EYS: variants seen among roughly 807,000 people sequenced by gnomAD.
EYS encodes the protein EGF-like photoreceptor maintenance factor, also known as protein eyes shut homolog.
In EYS, 250 loss-of-function variants were observed where a neutral mutation model predicts 282.1. The observed-to-expected ratio is 0.89, with a 90% CI of 0.80 to 0.98. The LOEUF (loss-of-function observed/expected upper bound fraction) is 0.98, where lower values mean the gene tolerates loss of function less well. EYS is among the 50% of genes least tolerant of loss of function. The pLI, the probability that EYS is intolerant of heterozygous loss-of-function variation, is 0.00. For missense variants in EYS, 4,016 were observed against 3,709.0 expected, an observed-to-expected ratio of 1.08 and a Z score of -2.15; for synonymous variants, 1,355 against 1,282.9, an observed-to-expected ratio of 1.06 and a Z score of -1.20.
In EYS at chr6:64,439,297, A is replaced by G; in HGVS notation, c.5700T>C (p.Ala1900=). 1.3e-6 allele frequency: 2 copies of G among 1,522,892 alleles called. No individual in the cohort carries two copies. The highest frequency in any genetic ancestry group is 1.8e-6 in the Non-Finnish European group (2 of 1,135,816). The allele number at this position is 1,522,892 out of a possible 1,614,324, so 94.3% of individuals were successfully genotyped here. The part of the protein sequence containing the change: ...GDSYLEFQNV[A]LNPQNNISLE... ...GGGAGATGTTATTTTGTGGATTTAA[A>G]GCCACATTCTGAAATTCTAGATAAG... Residue 1900 remains alanine, a synonymous_variant, in exon 27 of 43, where the codon GCT becomes GCC. Transcript: ENST00000503581.
chr6:64,910,620 T>G (rs925864122), intron 16 of EYS, among the ~76,000 whole-genome samples: 1 of 151,994 alleles, frequency 6.6e-6, no homozygotes, highest in Non-Finnish European at 1.5e-5. Context: ...CGTACAATAA[T>G]AAAATACTAA....
In EYS at chr6:64,704,144, A is replaced by C. The variant is rs1583060434; in HGVS notation, c.3444-77899T>G. 2.6e-5 allele frequency among the ~76,000 whole-genome samples: 4 copies of C among 151,998 alleles called. No individual in the cohort carries two copies. In the South Asian group the frequency reaches 8.3e-4, roughly 32 times the overall value. On this transcript the variant is annotated intron_variant, in intron 22 of 42. Coordinates refer to ENST00000503581, the MANE Select transcript of EYS (RefSeq NM_001142800.2). ...ATTCTGGACTCGCATGAAATTCTAA[A>C]CAAGAATTTGGACAATTGAGTTAAA...
chr6:64,461,724 G>A (rs867483410), intron 26 of EYS, among the ~76,000 whole-genome samples: 6 of 152,210 alleles, frequency 3.9e-5, no homozygotes, highest in Non-Finnish European at 7.4e-5. Flanking sequence ...TTACTCAGAA[G>A]ACCTAGTTTG....
At chr6:64,421,521 T>G (rs1774232877) in intron 28 of EYS, among the ~76,000 whole-genome samples, 1 of 152,188 alleles carries the variant, frequency 6.6e-6, no homozygotes, top group African/African-American at 2.4e-5. Context: ...TAATTTTGTC[T>G]TTCATATCTA....
intron 32 of EYS, among the ~76,000 whole-genome samples, chr6:64,081,370 C>T (rs1771960012): frequency 6.6e-6 from 1 of 151,970 alleles, no homozygotes; most frequent in African/African-American, 2.4e-5. Flanking sequence ...GATGTAAAGA[C>T]ATTTCCTTAA....
chr6:64,404,055 G>C (rs1247804050), intron 28 of EYS, among the ~76,000 whole-genome samples: 1 of 152,078 alleles, frequency 6.6e-6, no homozygotes, highest in African/African-American at 2.4e-5. Context: ...CAAGAGTGAT[G>C]GCTATTTAAT....
At chr6:64,107,888 G>A (rs1773085426) in intron 31 of EYS, among the ~76,000 whole-genome samples, 1 of 152,050 alleles carries the variant, frequency 6.6e-6, no homozygotes, top group Non-Finnish European at 1.5e-5. Context: ...GAACTTACCA[G>A]TACTTCTTAA....
intron 35 of EYS, among the ~76,000 whole-genome samples, chr6:63,930,398 A>G (rs1212136061): frequency 6.6e-6 from 1 of 152,040 alleles, no homozygotes; most frequent in Non-Finnish European, 1.5e-5. Context: ...AAAATTGAAA[A>G]CCAATAAGTG....
intron 29 of EYS, among the ~76,000 whole-genome samples, chr6:64,344,336 G>C (rs1039940102): frequency 2.6e-5 from 4 of 151,752 alleles, no homozygotes; most frequent in African/African-American, 9.7e-5. Flanking sequence ...GAATCCAGCA[G>C]CACATCAAAA....
chr6:65,067,786 T>C (rs1375949636), intron 12 of EYS, among the ~76,000 whole-genome samples: 1 of 152,120 alleles, frequency 6.6e-6, no homozygotes, highest in East Asian at 1.9e-4. Flanking sequence ...AAACTCACCA[T>C]GTTTTTAAAA....
intron 12 of EYS, among the ~76,000 whole-genome samples, chr6:65,126,732 G>C (rs1200003990): frequency 6.6e-6 from 1 of 152,166 alleles, no homozygotes; most frequent in African/African-American, 2.4e-5. Flanking sequence ...AGAGCAGGAA[G>C]CTGCCACTTA....
At chr6:65,381,386 T>G (rs1232422899) in intron 8 of EYS, among the ~76,000 whole-genome samples, 1 of 151,880 alleles carries the variant, frequency 6.6e-6, no homozygotes, top group African/African-American at 2.4e-5. Context: ...AAACACCACA[T>G]GTTCTCACTC....
intron 12 of EYS, among the ~76,000 whole-genome samples, chr6:65,174,449 C>A (rs972090485): frequency 4.0e-5 from 6 of 151,400 alleles, no homozygotes; most frequent in African/African-American, 1.4e-4. Flanking sequence ...TAACATTCTA[C>A]AAATTCCAAA....
At chr6:65,506,501 G>T (rs1404981845) in intron 2 of EYS, among the ~76,000 whole-genome samples, 1 of 40,010 alleles carries the variant, frequency 2.5e-5, no homozygotes, top group Non-Finnish European at 5.4e-5. Context: ...TTTTTTTTTT[G>T]GCAGAGTCTT....
In EYS at chr6:65,344,157, G is replaced by T. The variant is rs1207818522; in HGVS notation, c.1480C>A (p.Gln494Lys). ...GFAGSEGEKC[Q>K]GVIDAYFFLA... ...AAGAAATAGGCATCAATAACCCCTT[G>T]GCACTTTTCGCCTTCAGATCCTTTA... The change falls in exon 10 of 43, where the codon CAA becomes AAA. Residue 494 changes from glutamine (Q) to lysine (K), a missense_variant. Coordinates refer to ENST00000503581, the MANE Select transcript of EYS (RefSeq NM_001142800.2). The T allele has an allele frequency of 1.2e-6, 2 of 1,609,078 alleles. No individual in the cohort carries two copies. The highest frequency in any genetic ancestry group is 1.7e-6 in the Non-Finnish European group (2 of 1,177,146).
At chr6:65,318,490 G>A (rs2150303649) in intron 11 of EYS, among the ~76,000 whole-genome samples, 1 of 147,018 alleles carries the variant, frequency 6.8e-6, no homozygotes, top group Middle Eastern at 3.6e-3. Flanking sequence ...GTCATTGAGG[G>A]TCATCTTGGA....
chr6:64,864,042 G>T (rs923335278), intron 19 of EYS, among the ~76,000 whole-genome samples: 1 of 152,012 alleles, frequency 6.6e-6, no homozygotes. Flanking sequence ...TGTTTCTCTT[G>T]TGTCACACAT....
At chr6:63,801,884 T>G (rs1490090266) in intron 37 of EYS, among the ~76,000 whole-genome samples, 1 of 152,172 alleles carries the variant, frequency 6.6e-6, no homozygotes, top group Non-Finnish European at 1.5e-5. Context: ...ATATCAGAAA[T>G]TAGAGGTTGG....
intron 41 of EYS, among the ~76,000 whole-genome samples, chr6:63,735,113 G>A (rs1768876268): frequency 6.6e-6 from 1 of 152,142 alleles, no homozygotes; most frequent in Non-Finnish European, 1.5e-5. Context: ...CTGTGCATCA[G>A]TAGCAGGTAG....
Sources: gnomAD v4.1 joint callset for allele counts (sites outside exome capture counted in the v4.1 genomes callset) on GRCh38, gnomAD v4.1.1 for gene constraint, MANE v1.5 for transcripts, NCBI Gene and HGNC (gene_info 2026-07-23, HGNC 2026-07-21) for gene names.